TENM2: variants seen among roughly 807,000 people sequenced by gnomAD.
TENM2 encodes teneurin transmembrane protein 2.
In TENM2, 52 loss-of-function variants were observed where a neutral mutation model predicts 245.2. The ratio of observed to expected loss-of-function variants is 0.21; its 90% CI spans 0.17 to 0.27. The LOEUF is 0.27. Ranked by LOEUF, TENM2 falls within the 10% of genes least tolerant of loss-of-function variation. The pLI, the probability that TENM2 is intolerant of heterozygous loss-of-function variation, is 1.00. For synonymous variants in TENM2, 1,363 were observed against 1,438.9 expected, an observed-to-expected ratio of 0.95 and a Z score of 1.19; for missense variants, 3,046 against 3,666.8, an observed-to-expected ratio of 0.83 and a Z score of 4.37.
intron 2 of TENM2, among the ~76,000 whole-genome samples, chr5:167,485,432 A>C (rs1380585955): frequency 6.6e-6 from 1 of 152,244 alleles, no homozygotes; most frequent in East Asian, 1.9e-4. Flanking sequence ...CAATTACATA[A>C]AAAATGAAAT....
chr5:167,589,508 A>C (rs1384648575), intron 2 of TENM2, among the ~76,000 whole-genome samples: 1 of 152,200 alleles, frequency 6.6e-6, no homozygotes, highest in Non-Finnish European at 1.5e-5. Flanking sequence ...GCTTTTGTGG[A>C]AATATTCCCC....
At chr5:167,044,026 TAGTAAGGACAGA>T in the TENM2 span, among the ~76,000 whole-genome samples, 1,052 of 71,982 alleles carry the variant, frequency 0.015, 26 homozygotes, top group African/African-American at 0.064. Flanking sequence ...CTCAAATAAA[TAGTAAGGACAGA>T]AGGAAGGAAG....
chr5:167,301,704 G>T (rs1755336675), intron 1 of TENM2, among the ~76,000 whole-genome samples: 1 of 152,210 alleles, frequency 6.6e-6, no homozygotes, highest in South Asian at 2.1e-4. Flanking sequence ...AACGAGCCAT[G>T]AACTGGGCTG....
chr5:167,579,700 C>A (rs1345467613), intron 2 of TENM2, among the ~76,000 whole-genome samples: 1 of 152,174 alleles, frequency 6.6e-6, no homozygotes, highest in African/African-American at 2.4e-5. Flanking sequence ...GTATAAATTT[C>A]TCTGTACCTC....
intron 5 of TENM2, among the ~76,000 whole-genome samples, chr5:168,042,566 A>C (rs1287433771): frequency 6.6e-6 from 1 of 151,718 alleles, no homozygotes; most frequent in Non-Finnish European, 1.5e-5. Flanking sequence ...CTGGCCCTAT[A>C]ATCTCCCTGT....
intron 2 of TENM2, among the ~76,000 whole-genome samples, chr5:167,583,333 G>C (rs933900571): frequency 2.6e-5 from 4 of 152,092 alleles, no homozygotes; most frequent in Admixed American, 1.3e-4. Context: ...AGCGTGGATT[G>C]CATTCTTAGT....
chr5:167,729,670 G>T (rs1760279381), intron 2 of TENM2, among the ~76,000 whole-genome samples: 1 of 152,152 alleles, frequency 6.6e-6, no homozygotes, highest in Non-Finnish European at 1.5e-5. Flanking sequence ...ACTATCTAAG[G>T]CCTGAAGGAA....
At chr5:167,549,810 G>A (rs975250260) in intron 2 of TENM2, among the ~76,000 whole-genome samples, 13 of 151,674 alleles carry the variant, frequency 8.6e-5, no homozygotes, top group Admixed American at 3.9e-4. Flanking sequence ...CAACTAAAAC[G>A]TTGCTGTGAG....
the TENM2 span, among the ~76,000 whole-genome samples, chr5:167,252,155 G>T: frequency 5.3e-5 from 8 of 152,086 alleles, no homozygotes; most frequent in Admixed American, 5.2e-4. Context: ...CAAAAGAGAA[G>T]AGCTTAGAGG....
intron 9 of TENM2, among the ~76,000 whole-genome samples, chr5:168,100,449 G>T (rs960793883): frequency 6.6e-6 from 1 of 152,084 alleles, no homozygotes; most frequent in African/African-American, 2.4e-5. Flanking sequence ...TTTTATTGCA[G>T]CACTATTCAC....
At chr5:167,217,605 C>G in the TENM2 span, among the ~76,000 whole-genome samples, 2 of 151,766 alleles carry the variant, frequency 1.3e-5, no homozygotes, top group South Asian at 4.2e-4. Flanking sequence ...CTGCAGATTC[C>G]TAGCGCTGCA....
chr5:167,061,615 C>T, the TENM2 span, among the ~76,000 whole-genome samples: 1 of 152,044 alleles, frequency 6.6e-6, no homozygotes, highest in African/African-American at 2.4e-5. Context: ...ATCACATCCA[C>T]AGCAGTGACA....
At chr5:167,542,261 C>T (rs892768596) in intron 2 of TENM2, among the ~76,000 whole-genome samples, 6 of 152,052 alleles carry the variant, frequency 3.9e-5, no homozygotes, top group Middle Eastern at 3.2e-3. Context: ...ACTAAGAAGG[C>T]GCTTTGTATT....
At chr5:168,086,678 T>G (rs1792487576) in intron 7 of TENM2, among the ~76,000 whole-genome samples, 1 of 152,150 alleles carries the variant, frequency 6.6e-6, no homozygotes, top group African/African-American at 2.4e-5. Flanking sequence ...ACCTAATGGG[T>G]AGGACCACTA....
chr5:167,431,961 G>GTATATATATACA (rs1554150928), intron 2 of TENM2, among the ~76,000 whole-genome samples: 19 of 43,602 alleles, frequency 4.4e-4, no homozygotes, highest in African/African-American at 8.1e-4. Flanking sequence ...ATATATATAT[G>GTATATATATACA]TATATATATA....
chr5:168,101,766 T>C (rs1269385211), intron 9 of TENM2, among the ~76,000 whole-genome samples: 2 of 152,216 alleles, frequency 1.3e-5, no homozygotes, highest in African/African-American at 4.8e-5. Flanking sequence ...TTCCCCGATT[T>C]CTCCATTTAT....
chr5:168,115,998 C>T (rs1034584990), intron 9 of TENM2, among the ~76,000 whole-genome samples: 11 of 152,162 alleles, frequency 7.2e-5, no homozygotes, highest in Admixed American at 7.2e-4. Context: ...GAGGAACTGG[C>T]ATGGAACAAA....
chr5:168,011,212 A>G (rs1785195496), intron 5 of TENM2, among the ~76,000 whole-genome samples: 1 of 152,200 alleles, frequency 6.6e-6, no homozygotes, highest in African/African-American at 2.4e-5. Context: ...GTTATGCAGG[A>G]TTACAATGCT....
intron 2 of TENM2, among the ~76,000 whole-genome samples, chr5:167,701,354 C>T (rs889913333): frequency 6.6e-6 from 1 of 151,000 alleles, no homozygotes; most frequent in Non-Finnish European, 1.5e-5. Flanking sequence ...AAGGTAGAAC[C>T]ATGTGATGTT....
Sources: gnomAD v4.1 joint callset for allele counts (sites outside exome capture counted in the v4.1 genomes callset) on GRCh38, gnomAD v4.1.1 for gene constraint, MANE v1.5 for transcripts, NCBI Gene and HGNC (gene_info 2026-07-23, HGNC 2026-07-21) for gene names.